The following NEK9 variants were observed in gnomAD, a reference collection of about 807,000 sequenced individuals.
NEK9 encodes the protein NIMA related kinase 9, also known as serine/threonine-protein kinase Nek9.
A neutral mutation model predicts 123.4 loss-of-function variants in NEK9; 75 were observed. That is an observed-to-expected ratio of 0.61 (90% confidence interval 0.50 to 0.74). NEK9 has a LOEUF of 0.74. Ranked by LOEUF, NEK9 falls within the 30% of genes least tolerant of loss-of-function variation. The pLI is 0.00. For synonymous variants in NEK9, 438 were observed against 458.7 expected, an observed-to-expected ratio of 0.95 and a Z score of 0.58; for missense variants, 952 against 1,214.4, an observed-to-expected ratio of 0.78 and a Z score of 3.21.
intron 21 of NEK9, chr14:75,086,312 G>C (rs1373265462): frequency 1.3e-5 from 2 of 151,592 alleles, no homozygotes; most frequent in Non-Finnish European, 1.5e-5. Context: ...ATTCTTGACT[G>C]GATTCTAGTC....
At chr14:75,116,481 C>T in intron 6 of NEK9, 2 of 360,616 alleles carry the variant, frequency 5.5e-6, no homozygotes, top group South Asian at 2.6e-5. Context: ...ACTAGATTTG[C>T]ATTCTTTTAC....
chr14:75,098,526 C>T (rs970300361), intron 16 of NEK9, among the ~76,000 whole-genome samples: 2 of 152,118 alleles, frequency 1.3e-5, no homozygotes, highest in East Asian at 1.9e-4. Flanking sequence ...AGGGAACAAG[C>T]TCACTTTGGA....
chr14:75,101,257 A>G, intron 15 of NEK9, 104 bp from the exon 16 acceptor site: 1 of 1,240,764 alleles, frequency 8.1e-7, no homozygotes, highest in Non-Finnish European at 1.1e-6. Context: ...TTGTTAGAAT[A>G]TACAAATATA....
intron 16 of NEK9, among the ~76,000 whole-genome samples, chr14:75,099,431 A>C (rs1894488848): frequency 6.6e-6 from 1 of 152,148 alleles, no homozygotes; most frequent in Non-Finnish European, 1.5e-5. Context: ...AAGAAAAAAG[A>C]GGAAAAAAGC....
intron 6 of NEK9, among the ~76,000 whole-genome samples, chr14:75,115,006 T>C (rs1165238987): frequency 1.3e-5 from 2 of 151,520 alleles, no homozygotes; most frequent in Non-Finnish European, 2.9e-5. Flanking sequence ...CACACATACA[T>C]ATACACACAC....
At chr14:75,088,168 T>C (rs1319736408) in intron 20 of NEK9, among the ~76,000 whole-genome samples, 3 of 152,228 alleles carry the variant, frequency 2.0e-5, no homozygotes, top group Admixed American at 6.5e-5. Flanking sequence ...TTCTTTCTTA[T>C]ATTTAGAGCC....
At chr14:75,113,528 C>G (rs1484968127) in intron 7 of NEK9, 125 bp from the exon 8 acceptor site, 1 of 676,234 alleles carries the variant, frequency 1.5e-6, no homozygotes, top group African/African-American at 1.8e-5. Context: ...TTATGTGATA[C>G]TCCATATTTT....
rs1234617293 is a variant in NEK9 at position 75,083,107 on chromosome 14, A to G, written c.*1457T>C. The G allele has an allele frequency of 5.0e-6, 2 of 398,510 alleles. No individual in the cohort carries two copies. Among genetic ancestry groups the G allele is most frequent in the African/African-American group, 4.1e-5 (2 of 48,652 alleles). The allele number at this position is 398,510 out of a possible 1,614,324, so 24.7% of individuals were successfully genotyped here. ...TTTCCATTGCACAAGACCTCCCACA[A>G]TGTTGATAAGATTATCAAACATTTT... On this transcript the variant is annotated 3_prime_UTR_variant, in exon 22 of 22. Transcript: ENST00000238616.
intron 8 of NEK9, among the ~76,000 whole-genome samples, chr14:75,111,025 T>C (rs1894942295): frequency 6.6e-6 from 1 of 152,210 alleles, no homozygotes; most frequent in Admixed American, 6.5e-5. Context: ...TTAATCATTT[T>C]ACTATACTAA....
In NEK9 at chr14:75,110,324, G is replaced by C. The variant is rs750027769; in HGVS notation, c.986C>G (p.Pro329Arg). Residue 329 changes from proline (P) to arginine (R), a missense_variant, in exon 9 of 22, where the codon CCA becomes CGA. Physicochemically the swap from Pro to Arg is moderately radical, Grantham distance 103. Around this residue, in one of 4 missense-constraint regions of NEK9, gnomAD observed 698 missense variants for 875.6 expected, o/e 0.80. Transcript: ENST00000238616. Reference sequence around the variant, plus strand: ...TTAAGAGTCTCTTGAACATTACCTTGGTCTCTTTGTAGGTGCATTAAGCAG... The same window carrying C: ...TTAAGAGTCTCTTGAACATTACCTTCGTCTCTTTGTAGGTGCATTAAGCAG... ...VTLLNAPTKR[P>R]RSSTVTEAPI... 1 of 1,610,992 alleles carries C rather than the reference G, an allele frequency of 6.2e-7. No individual in the cohort carries two copies. The highest frequency in any genetic ancestry group is 8.5e-7 in the Non-Finnish European group (1 of 1,177,636).
rs901508820 is a variant in NEK9, at chr14:75,117,230, C to A, written c.727G>T (p.Glu243Ter). Residue 243 changes from glutamate to a stop codon, truncating the protein, a stop_gained, in exon 6 of 22, where the codon GAA becomes TAA. Coordinates refer to ENST00000238616, the MANE Select transcript of NEK9 (RefSeq NM_033116.6). LOFTEE classifies it high-confidence loss of function. ...AACGTCCTCTTTAAGGTAAGCAGTT[C>A]AAAAATGACGCAGCCAACTGCCCAG... Reference protein sequence around the residue: ...DIWAVGCVIFELLTLKRTFDA... With the variant: ...DIWAVGCVIF 1.2e-5 allele frequency: 19 copies of A among 1,613,742 alleles called. No individual in the cohort carries two copies. Among genetic ancestry groups the A allele is most frequent in the Non-Finnish European group, 1.5e-5 (18 of 1,179,972 alleles).
intron 5 of NEK9, among the ~76,000 whole-genome samples, chr14:75,117,796 A>G (rs988409192): frequency 1.3e-5 from 2 of 152,252 alleles, no homozygotes; most frequent in African/African-American, 2.4e-5. Context: ...TTATACTAAC[A>G]CAGCTAGCGA....
At position 75,091,330 on chromosome 14, in the gene NEK9, G is replaced by T; in HGVS notation, c.2382C>A (p.Pro794=). Residue 794 remains proline (P), a synonymous_variant, in exon 19 of 22, where the codon CCC becomes CCA. Transcript: ENST00000238616. ...CATTACTGTTCCCCATGGCCTCTGT[G>T]GGACTGATTAAACCTTCCATTCCTC... ...ADRGMEGLIS[P]TEAMGNSNGA... is the part of the protein sequence containing the mutation. 1 of 1,614,008 alleles carries T rather than the reference G, an allele frequency of 6.2e-7. No individual in the cohort carries two copies. Among genetic ancestry groups the T allele is most frequent in the South Asian group, 1.1e-5 (1 of 91,038 alleles).
intron 19 of NEK9, among the ~76,000 whole-genome samples, chr14:75,090,167 G>A (rs536513793): frequency 6.6e-6 from 1 of 151,190 alleles, no homozygotes; most frequent in Middle Eastern, 3.4e-3. Flanking sequence ...TTATAGAGAT[G>A]GGGTCTCCCT....
Position 75,082,797 on chromosome 14 carries a change from A to G in NEK9, c.*1767T>C, listed in dbSNP as rs952939610. ...AGGTCAATCGGTCCTCAAGAAAATC[A>G]AAGTTGCATTTACATGCTGAACCAA... On this transcript the variant is annotated 3_prime_UTR_variant, in exon 22 of 22. Coordinates refer to ENST00000238616, the MANE Select transcript of NEK9 (RefSeq NM_033116.6). The G allele has an allele frequency of 2.5e-6, 1 of 395,738 alleles. No homozygotes were observed. The highest frequency in any genetic ancestry group is 2.1e-5 in the African/African-American group (1 of 48,596). 24.5% of individuals were successfully genotyped at this position (395,738 alleles called of 1,614,324 possible).
intron 6 of NEK9, among the ~76,000 whole-genome samples, chr14:75,114,655 C>T (rs1021706369): frequency 1.3e-5 from 2 of 152,074 alleles, no homozygotes; most frequent in South Asian, 2.1e-4. Flanking sequence ...AACTAACTTG[C>T]GTCCTAATTT....
intron 16 of NEK9, among the ~76,000 whole-genome samples, chr14:75,098,337 G>T (rs1372506002): frequency 1.3e-5 from 2 of 151,896 alleles, no homozygotes; most frequent in African/African-American, 4.8e-5. Context: ...ATGAAACAGG[G>T]TGGCTATTAA....
chr14:75,127,106 C>T (rs1427594892), upstream of NEK9: 7 of 543,568 alleles, frequency 1.3e-5, no homozygotes, highest in African/African-American at 6.1e-5. Flanking sequence ...GCTGAGTTTC[C>T]TCCGCCTTTG....
At position 75,101,703 on chromosome 14, in the gene NEK9, C is replaced by G; in HGVS notation, c.1794G>C (p.Lys598Asn). ...FTLAKQLSFY[K>N]IRTIAPGKTH... is the part of the protein sequence containing the mutation. ...TCTTGCCTGGGGCAATGGTACGGAT[C>G]TTATAAAAGGACAACTGTTTGGCCA... The change falls in exon 15 of 22, where the codon AAG (lysine) becomes AAC (asparagine). Residue 598 changes from lysine to asparagine, a missense_variant. Lys to Asn is a moderately conservative substitution (Grantham distance 94, BLOSUM62 0). Around this residue, in one of 4 missense-constraint regions of NEK9, gnomAD observed 698 missense variants for 875.6 expected, o/e 0.80. Coordinates refer to ENST00000238616, the MANE Select transcript of NEK9 (RefSeq NM_033116.6). The G allele has an allele frequency of 6.2e-7, 1 of 1,614,048 alleles. No homozygotes were observed. The highest frequency in any genetic ancestry group is 1.3e-5 in the African/African-American group (1 of 75,034).
Sources: allele counts gnomAD v4.1 joint callset (sites outside exome capture counted in the v4.1 genomes callset), GRCh38; gene constraint gnomAD v4.1.1; regional missense constraint gnomAD v4.1.1; transcripts MANE v1.5; gene names NCBI Gene and HGNC (gene_info 2026-07-23, HGNC 2026-07-21).